The following ROR1 variants were observed in gnomAD, a reference collection of about 807,000 sequenced individuals.
The protein encoded by ROR1 is inactive tyrosine-protein kinase transmembrane receptor ROR1.
In ROR1, 19 loss-of-function variants were observed where a neutral mutation model predicts 78.8. The ratio of observed to expected loss-of-function variants is 0.24; its 90% CI spans 0.17 to 0.35. The LOEUF is 0.35. Ranked by LOEUF, ROR1 falls within the 10% of genes least tolerant of loss-of-function variation. The pLI is 1.00. For missense variants in ROR1, 917 were observed against 1,177.8 expected (o/e 0.78, Z 3.24); for synonymous variants, 386 against 433.6 (o/e 0.89, Z 1.36).
chr1:63,925,202 C>T (rs1039875747), intron 1 of ROR1, among the ~76,000 whole-genome samples: 5 of 146,662 alleles, frequency 3.4e-5, no homozygotes, highest in Non-Finnish European at 4.5e-5. Flanking sequence ...TGTGATATTC[C>T]CCTTCCTGTG....
chr1:63,948,971 C>T (rs932612487), intron 1 of ROR1, among the ~76,000 whole-genome samples: 1 of 152,150 alleles, frequency 6.6e-6, no homozygotes, highest in Non-Finnish European at 1.5e-5. Flanking sequence ...AACTAAGACA[C>T]ACAGTAAATT....
intron 1 of ROR1, among the ~76,000 whole-genome samples, chr1:63,875,298 A>G (rs1280829041): frequency 6.6e-6 from 1 of 152,208 alleles, no homozygotes; most frequent in Non-Finnish European, 1.5e-5. Context: ...TATTGAATTT[A>G]CAATGAAAAA....
At chr1:63,845,266 G>C (rs1645073782) in intron 1 of ROR1, among the ~76,000 whole-genome samples, 1 of 151,972 alleles carries the variant, frequency 6.6e-6, no homozygotes, top group Non-Finnish European at 1.5e-5. Context: ...TCTTCTCCAG[G>C]GCTTCAGCTT....
intron 5 of ROR1, 52 bp downstream of exon 5, chr1:64,137,548 G>T: frequency 3.2e-6 from 5 of 1,571,620 alleles, no homozygotes; most frequent in South Asian, 1.2e-5. Context: ...TATTTTTCTC[G>T]CCAAAAGTTT....
intron 1 of ROR1, among the ~76,000 whole-genome samples, chr1:63,956,692 A>G (rs1042907138): frequency 1.3e-5 from 2 of 152,208 alleles, no homozygotes; most frequent in African/African-American, 2.4e-5. Flanking sequence ...TCTGTTGAGA[A>G]AGACATTTTT....
At chr1:63,940,153 G>A (rs1054530165) in intron 1 of ROR1, among the ~76,000 whole-genome samples, 1 of 152,160 alleles carries the variant, frequency 6.6e-6, no homozygotes, top group African/African-American at 2.4e-5. Flanking sequence ...TTGAGCAACA[G>A]CTACATGCCA....
chr1:63,851,368 A>G lies in ROR1; in HGVS notation c.91+76860A>G, dbSNP rs139978741. On this transcript the variant is annotated intron_variant, in intron 1 of 8. Coordinates refer to ENST00000371079, the MANE Select transcript of ROR1 (RefSeq NM_005012.4). Reference sequence around the variant, plus strand: ...TTTTCTTTTCTGCTTTCAAAATTCCATGCTTCTAAGTGGCGTTGACCCTTG... The same window carrying G: ...TTTTCTTTTCTGCTTTCAAAATTCCGTGCTTCTAAGTGGCGTTGACCCTTG... Among the ~76,000 whole-genome samples, 843 of 152,308 alleles carry G rather than the reference A, an allele frequency of 5.5e-3. 9 individuals carry two copies. Among genetic ancestry groups the G allele is most frequent in the African/African-American group, 0.019 (802 of 41,566 alleles).
chr1:64,040,023 G>C (rs1195469345), intron 2 of ROR1, among the ~76,000 whole-genome samples: 2 of 152,098 alleles, frequency 1.3e-5, no homozygotes, highest in Non-Finnish European at 2.9e-5. Context: ...AATAGCTGGT[G>C]GTTTTGTTAT....
intron 1 of ROR1, among the ~76,000 whole-genome samples, chr1:63,827,851 G>A (rs1403822149): frequency 2.6e-5 from 4 of 152,110 alleles, no homozygotes; most frequent in Non-Finnish European, 5.9e-5. Context: ...GTACAGCCAG[G>A]AGCATCTGCA....
At chr1:63,784,037 T>G (rs1303653037) in intron 1 of ROR1, among the ~76,000 whole-genome samples, 1 of 151,830 alleles carries the variant, frequency 6.6e-6, no homozygotes, top group Non-Finnish European at 1.5e-5. Context: ...GCATTGCAGT[T>G]TTTTTTTTCA....
intron 1 of ROR1, among the ~76,000 whole-genome samples, chr1:63,989,863 GTC>G (rs1295860718): frequency 4.6e-5 from 7 of 152,154 alleles, no homozygotes; most frequent in African/African-American, 2.4e-5. Context: ...ATGGATATGC[GTC>G]TCTCAATCAG....
chr1:63,943,733 T>G (rs965914911), intron 1 of ROR1, among the ~76,000 whole-genome samples: 1 of 152,230 alleles, frequency 6.6e-6, no homozygotes, highest in African/African-American at 2.4e-5. Context: ...CATTCCTAAT[T>G]TTCACTTGTG....
intron 4 of ROR1, among the ~76,000 whole-genome samples, chr1:64,119,294 C>A (rs1648438221): frequency 6.6e-6 from 1 of 152,118 alleles, no homozygotes; most frequent in Non-Finnish European, 1.5e-5. Context: ...AGTATATACC[C>A]CCATAGTTGT....
intron 1 of ROR1, among the ~76,000 whole-genome samples, chr1:63,929,568 A>G (rs1645734467): frequency 6.6e-6 from 1 of 152,180 alleles, no homozygotes; most frequent in Non-Finnish European, 1.5e-5. Context: ...GAGGGATGTT[A>G]TATAGTTCTT....
At chr1:64,089,814 T>C (rs1647180958) in intron 4 of ROR1, among the ~76,000 whole-genome samples, 1 of 152,200 alleles carries the variant, frequency 6.6e-6, no homozygotes, top group Non-Finnish European at 1.5e-5. Flanking sequence ...AATCTCATCC[T>C]GAATTGTAGC....
At chr1:64,005,482 G>C (rs148225687) in intron 1 of ROR1, among the ~76,000 whole-genome samples, 1 of 152,218 alleles carries the variant, frequency 6.6e-6, no homozygotes, top group Non-Finnish European at 1.5e-5. Context: ...TTGGTGAAGA[G>C]AGGCTGCCAG....
intron 1 of ROR1, among the ~76,000 whole-genome samples, chr1:63,812,930 A>C (rs1005011851): frequency 6.6e-6 from 1 of 152,154 alleles, no homozygotes; most frequent in Non-Finnish European, 1.5e-5. Context: ...GTCCAACTCC[A>C]GGGTGTCTGG....
chr1:63,940,498 C>CAGACAGATAGAT (rs1230477303), intron 1 of ROR1, among the ~76,000 whole-genome samples: 1,423 of 75,174 alleles, frequency 0.019, 10 homozygotes, highest in African/African-American at 0.03. Context: ...GATAGACAGA[C>CAGACAGATAGAT]AGATAGATAG....
intron 4 of ROR1, among the ~76,000 whole-genome samples, chr1:64,135,535 TG>T (rs1304506228): frequency 6.6e-6 from 1 of 152,166 alleles, no homozygotes; most frequent in African/African-American, 2.4e-5. Context: ...GGGTGTATTC[TG>T]GTCTCTGTAC....
Sources: gnomAD v4.1 joint callset for allele counts (sites outside exome capture counted in the v4.1 genomes callset) on GRCh38, gnomAD v4.1.1 for gene constraint, MANE v1.5 for transcripts, NCBI Gene and HGNC (gene_info 2026-07-23, HGNC 2026-07-21) for gene names.